The following DENND2A variants were observed in gnomAD, a reference collection of about 807,000 sequenced individuals.
DENND2A encodes DENN domain-containing protein 2A.
DENND2A carries 53 observed loss-of-function variants against 105.3 expected under a neutral mutation model. The observed-to-expected ratio is 0.50, with a 90% CI of 0.40 to 0.63. The LOEUF (loss-of-function observed/expected upper bound fraction) is 0.63, where lower values mean the gene tolerates loss of function less well. Ranked by LOEUF, DENND2A falls within the 30% of genes least tolerant of loss-of-function variation. The probability of loss-of-function intolerance (pLI) is 0.00; values close to 1 mark genes in which losing one functional copy is unlikely to be tolerated. For synonymous variants in DENND2A, 522 were observed against 508.4 expected, an observed-to-expected ratio of 1.03 and a Z score of -0.36; for missense variants, 1,138 against 1,279.6, an observed-to-expected ratio of 0.89 and a Z score of 1.69.
chr7:140,603,736 C>T (rs1799599822), intron 2 of DENND2A, among the ~76,000 whole-genome samples: 2 of 152,158 alleles, frequency 1.3e-5, no homozygotes, highest in Non-Finnish European at 2.9e-5. Context: ...ATAGAGTAGC[C>T]ACCAGCCACA....
intron 8 of DENND2A, 94 bp from the exon 9 acceptor site, chr7:140,567,367 A>C: frequency 1.8e-6 from 2 of 1,130,842 alleles, no homozygotes; most frequent in African/African-American, 1.6e-5. Flanking sequence ...AAGAGCCTGA[A>C]ATGACCATGA....
At chr7:140,621,354 A>T (rs766270793) in intron 1 of DENND2A, among the ~76,000 whole-genome samples, 7 of 152,048 alleles carry the variant, frequency 4.6e-5, no homozygotes, top group Non-Finnish European at 1.0e-4. Flanking sequence ...CATACTTTAA[A>T]TCATTTCTAG....
intron 8 of DENND2A, among the ~76,000 whole-genome samples, chr7:140,567,912 G>C (rs1297164561): frequency 1.3e-5 from 2 of 152,262 alleles, no homozygotes; most frequent in East Asian, 3.9e-4. Flanking sequence ...TGAGTGGACA[G>C]GTCCCTGTCA....
At position 140,519,718 on chromosome 7, in the gene DENND2A, C is replaced by G; in HGVS notation, c.2912G>C (p.Gly971Ala). 1 of 1,613,994 alleles carries G rather than the reference C, an allele frequency of 6.2e-7. No individual in the cohort carries two copies. The highest frequency in any genetic ancestry group is 1.1e-5 in the South Asian group (1 of 91,074). The change falls in exon 19 of 20, where the codon GGT becomes GCT. Residue 971 changes from glycine (G) to alanine (A), a missense_variant and splice_region_variant. Gly to Ala is a moderately conservative substitution (Grantham distance 60). Transcript: ENST00000496613. ...ERELRRQDAK[G>A]LFEVRAQEYL... Reference sequence around the variant, plus strand: ...CTCTTGGGCTCGGACCTCAAACAGACCTGTTAACAAGAGAAATCCCAGCCA... The same window carrying G: ...CTCTTGGGCTCGGACCTCAAACAGAGCTGTTAACAAGAGAAATCCCAGCCA...
At chr7:140,619,820 T>C (rs1800215242) in intron 1 of DENND2A, among the ~76,000 whole-genome samples, 1 of 152,006 alleles carries the variant, frequency 6.6e-6, no homozygotes, top group Non-Finnish European at 1.5e-5. Context: ...ATTTTAAATG[T>C]GTACACACTA....
At chr7:140,572,380 G>A (rs976848926) in intron 6 of DENND2A, among the ~76,000 whole-genome samples, 10 of 151,884 alleles carry the variant, frequency 6.6e-5, no homozygotes, top group Admixed American at 4.6e-4. Flanking sequence ...GTCCCACACC[G>A]AAACTTATCT....
At position 140,601,615 on chromosome 7, in the gene DENND2A, G is replaced by A. The variant is rs537657395; in HGVS notation, c.783C>T (p.Pro261=). 31 of 1,613,586 alleles carry A rather than the reference G, an allele frequency of 1.9e-5. No homozygotes were observed. In the East Asian group the frequency reaches 3.8e-4, roughly 20 times the overall value. Reference sequence around the variant, plus strand: ...GGGGTTTTGGCAGAGGGTTGATGAAGGGCTTTGTGGGGGAACCCTCCGAGC... The same window carrying A: ...GGGGTTTTGGCAGAGGGTTGATGAAAGGCTTTGTGGGGGAACCCTCCGAGC... ...YRGSEGSPTK[P]FINPLPKPRR... is the part of the protein sequence containing the mutation. The change falls in exon 3 of 20, where the codon CCC becomes CCT. Residue 261 remains proline (P), a synonymous_variant. Transcript: ENST00000496613.
chr7:140,561,505 T>A (rs1171550110), intron 9 of DENND2A, among the ~76,000 whole-genome samples: 1 of 143,500 alleles, frequency 7.0e-6, no homozygotes, highest in Non-Finnish European at 1.5e-5. Context: ...TGTCTTTTTT[T>A]TTTTTTTTTT....
chr7:140,623,672 G>A (rs1800387645), intron 1 of DENND2A, among the ~76,000 whole-genome samples: 1 of 149,802 alleles, frequency 6.7e-6, no homozygotes, highest in African/African-American at 2.5e-5. Flanking sequence ...AGGTTGCAGT[G>A]AGCCGAGATC....
intron 6 of DENND2A, among the ~76,000 whole-genome samples, chr7:140,571,182 CAG>C (rs1284895686): frequency 1.3e-5 from 2 of 152,120 alleles, no homozygotes; most frequent in South Asian, 2.1e-4. Flanking sequence ...TATTTTGAGA[CAG>C]AGTCTTGCTC....
intron 9 of DENND2A, among the ~76,000 whole-genome samples, chr7:140,565,832 G>A (rs557993318): frequency 4.6e-5 from 7 of 152,132 alleles, no homozygotes; most frequent in South Asian, 2.1e-4. Flanking sequence ...TAAAGAAGCC[G>A]GCCAAAACCC....
chr7:140,542,565 C>CTTTTTTTTTTTTTTTT, intron 14 of DENND2A, among the ~76,000 whole-genome samples: 1 of 111,984 alleles, frequency 8.9e-6, no homozygotes, highest in South Asian at 3.0e-4. Flanking sequence ...TTTTCTCTCT[C>CTTTTTTTTTTTTTTTT]TTTTTTTTTT....
chr7:140,523,288 G>A lies in DENND2A; in HGVS notation c.2665+19C>T, dbSNP rs1795927620. 2 of 1,611,612 alleles carry A rather than the reference G, an allele frequency of 1.2e-6. No homozygotes were observed. The highest frequency in any genetic ancestry group is 8.5e-7 in the Non-Finnish European group (1 of 1,177,718). Reference sequence around the variant, plus strand: ...AGAGTGGAAGGGAGAGACCCACTGGGAGGTGGCTGAACACTTACCGTGCCT... The same window carrying A: ...AGAGTGGAAGGGAGAGACCCACTGGAAGGTGGCTGAACACTTACCGTGCCT... On this transcript the variant is annotated intron_variant, in intron 17 of 19. Coordinates refer to ENST00000496613, the MANE Select transcript of DENND2A (RefSeq NM_015689.5). This position sits in a 1 kb window ranked among gnomAD's most constrained non-coding sequence, Gnocchi z 4.5.
At chr7:140,584,364 G>A (rs890921434) in intron 5 of DENND2A, among the ~76,000 whole-genome samples, 1 of 152,180 alleles carries the variant, frequency 6.6e-6, no homozygotes, top group Non-Finnish European at 1.5e-5. Context: ...TTACAACAGA[G>A]ACCATATGGC....
At chr7:140,588,914 T>G (rs1431134668) in intron 3 of DENND2A, among the ~76,000 whole-genome samples, 4 of 152,006 alleles carry the variant, frequency 2.6e-5, no homozygotes, top group African/African-American at 9.7e-5. Flanking sequence ...GGCTAATTTT[T>G]GTATTTTTAG....
intron 1 of DENND2A, among the ~76,000 whole-genome samples, chr7:140,623,766 A>T (rs1006228836): frequency 5.9e-5 from 9 of 151,896 alleles, no homozygotes; most frequent in Admixed American, 2.6e-4. Context: ...CAACAGGAAG[A>T]TCTGCTGAAC....
chr7:140,602,454 A>T lies in DENND2A; in HGVS notation c.-57T>A. The stretch of plus-strand genomic sequence containing the variant: ...TCCAGGGGACTCCTTCTGAAGCCTG[A>T]CTCCTGATCAGTCTCTAGGAATGGA... On this transcript the variant is annotated 5_prime_UTR_variant, in exon 3 of 20. Transcript: ENST00000496613. 6.7e-7 allele frequency: 1 copy of T among 1,488,418 alleles called. No homozygotes were observed. The highest frequency in any genetic ancestry group is 8.9e-7 in the Non-Finnish European group (1 of 1,123,316). 92.2% of individuals were successfully genotyped at this position (1,488,418 alleles called of 1,614,324 possible).
chr7:140,521,770 C>G (rs1795867618), intron 18 of DENND2A, 85 bp downstream of exon 18: 1 of 1,572,226 alleles, frequency 6.4e-7, no homozygotes, highest in African/African-American at 1.3e-5. Flanking sequence ...TGCCCCTGCC[C>G]TGTGATCTTT....
intron 1 of DENND2A, among the ~76,000 whole-genome samples, chr7:140,612,942 C>G (rs182495829): frequency 3.3e-4 from 50 of 151,928 alleles, no homozygotes; most frequent in African/African-American, 1.2e-3. Context: ...TGGAGAAACG[C>G]TGTCTCTACT....
Sources: allele counts gnomAD v4.1 joint callset (sites outside exome capture counted in the v4.1 genomes callset), GRCh38; gene constraint gnomAD v4.1.1; non-coding constraint Gnocchi (gnomAD v3.1); transcripts MANE v1.5; gene names NCBI Gene and HGNC (gene_info 2026-07-23, HGNC 2026-07-21).